DMTF1: variants seen among roughly 807,000 people sequenced by gnomAD.
The protein encoded by DMTF1 is cyclin D binding myb like transcription factor 1, also known as cyclin-D-binding Myb-like transcription factor 1.
In DMTF1, 39 loss-of-function variants were observed where a neutral mutation model predicts 91.1. The ratio of observed to expected loss-of-function variants is 0.43; its 90% CI spans 0.33 to 0.56. The LOEUF (loss-of-function observed/expected upper bound fraction) is 0.56, where lower values mean the gene tolerates loss of function less well. Ranked by LOEUF, DMTF1 falls within the 20% of genes least tolerant of loss-of-function variation. The pLI is 0.05. For synonymous variants in DMTF1, 338 were observed against 309.5 expected, an observed-to-expected ratio of 1.09 and a Z score of -0.97; for missense variants, 750 against 914.5, an observed-to-expected ratio of 0.82 and a Z score of 2.32.
In DMTF1 at chr7:87,182,304, C is replaced by A. The variant is rs1365984560; in HGVS notation, c.787C>A (p.Arg263=). ...LGRSASSVKD[R]CRLMKDTCNT... Reference sequence around the variant, plus strand: ...AAGAAGTGCATCTTCTGTCAAAGATCGGTGCCGACTGATGAAGGATACTTG... The same window carrying A: ...AAGAAGTGCATCTTCTGTCAAAGATAGGTGCCGACTGATGAAGGATACTTG... Residue 263 remains arginine (R), a synonymous_variant, in exon 10 of 18, where the codon CGG becomes AGG. Coordinates refer to ENST00000331242, the MANE Select transcript of DMTF1 (RefSeq NM_001142327.2). 4 of 1,613,982 alleles carry A rather than the reference C, an allele frequency of 2.5e-6. No homozygotes were observed. The highest frequency in any genetic ancestry group is 3.4e-6 in the Non-Finnish European group (4 of 1,179,992).
chr7:87,162,809 A>T (rs930056213), intron 1 of DMTF1: 2 of 105,636 alleles, frequency 1.9e-5, no homozygotes, highest in African/African-American at 3.6e-5. Flanking sequence ...ACCTCAAATC[A>T]TGTGCTTTTT....
chr7:87,193,669 A>C, intron 15 of DMTF1, 56 bp from the exon 16 acceptor site: 3 of 1,435,514 alleles, frequency 2.1e-6, no homozygotes, highest in Non-Finnish European at 2.8e-6. Flanking sequence ...ACAGTGAGGT[A>C]CCCCCATAAA....
In DMTF1 at chr7:87,190,957, C is replaced by T; in HGVS notation, c.1424C>T (p.Ser475Phe). ...ATTCTTACCACAGCTTCAGCAGACT[C>T]TCCTGCTACCGTTGACTCAGAAACA... is the stretch of plus-strand genomic sequence containing the variant. Reference protein sequence around the residue: ...VQITHVSSADSPATVDSETIT... With the variant: ...VQITHVSSADFPATVDSETIT... Residue 475 changes from serine to phenylalanine, a missense_variant, in exon 14 of 18, where the codon TCT becomes TTT. Ser to Phe is a radical substitution (Grantham distance 155). Around this residue, in one of 3 missense-constraint regions of DMTF1, gnomAD observed 410 missense variants for 420.2 expected, o/e 0.98. Coordinates refer to ENST00000331242, the MANE Select transcript of DMTF1 (RefSeq NM_001142327.2). 6.2e-7 allele frequency: 1 copy of T among 1,609,698 alleles called. No homozygotes were observed. The highest frequency in any genetic ancestry group is 8.5e-7 in the Non-Finnish European group (1 of 1,177,446).
At position 87,182,288 on chromosome 7, in the gene DMTF1, A is replaced by G; in HGVS notation, c.771A>G (p.Ala257=). 1.2e-5 allele frequency: 20 copies of G among 1,614,160 alleles called. No homozygotes were observed. The highest frequency in any genetic ancestry group is 1.6e-5 in the Non-Finnish European group (19 of 1,179,994). The change falls in exon 10 of 18, where the codon GCA becomes GCG. Residue 257 remains alanine, a synonymous_variant. Transcript: ENST00000331242. ...ATIGAALGRS[A]SSVKDRCRLM... Reference sequence around the variant, plus strand: ...TAGGGGCGGCGCTAGGAAGAAGTGCATCTTCTGTCAAAGATCGGTGCCGAC... The same window carrying G: ...TAGGGGCGGCGCTAGGAAGAAGTGCGTCTTCTGTCAAAGATCGGTGCCGAC...
intron 14 of DMTF1, chr7:87,192,733 T>C (rs907080765): frequency 9.2e-5 from 14 of 152,812 alleles, no homozygotes; most frequent in African/African-American, 3.4e-4. Flanking sequence ...GATAAACATC[T>C]TTCTCCTTCA....
Position 87,166,625 on chromosome 7 carries a change from G to T in DMTF1, c.232+20G>T. 6.5e-7 allele frequency: 1 copy of T among 1,532,318 alleles called. No homozygotes were observed. The highest frequency in any genetic ancestry group is 8.8e-7 in the Non-Finnish European group (1 of 1,135,956). The allele number at this position is 1,532,318 out of a possible 1,614,324, so 94.9% of individuals were successfully genotyped here. On this transcript the variant is annotated intron_variant, in intron 4 of 17. Coordinates refer to ENST00000331242, the MANE Select transcript of DMTF1 (RefSeq NM_001142327.2). ...TTCCACGTAAGTCACTACGTATTAA[G>T]AGCCATAGAGTTCCCTTTTAAAATC...
chr7:87,174,049 A>T (rs1261254637), intron 6 of DMTF1, among the ~76,000 whole-genome samples: 1 of 152,156 alleles, frequency 6.6e-6, no homozygotes, highest in Non-Finnish European at 1.5e-5. Flanking sequence ...ATGCTCAAGC[A>T]TAGCTGGGGA....
intron 6 of DMTF1, among the ~76,000 whole-genome samples, chr7:87,174,134 T>A (rs1190722854): frequency 6.6e-6 from 1 of 152,208 alleles, no homozygotes; most frequent in Non-Finnish European, 1.5e-5. Flanking sequence ...ACGTAAATAA[T>A]TTTCAACCAC....
rs1584387719 is a variant in DMTF1 at position 87,181,312 on chromosome 7, T to C, written c.681T>C (p.Tyr227=). ...AAAAATTTCTCTGAATTTCTAGATA[T>C]ACACCTGAAGAAATTGAGAAGCTCA... ...MYDDRNHVGK[Y]TPEEIEKLKE... Residue 227 remains tyrosine, a synonymous_variant, in exon 9 of 18, where the codon TAT becomes TAC. Transcript: ENST00000331242. 5 of 1,276,246 alleles carry C rather than the reference T, an allele frequency of 3.9e-6. No individual in the cohort carries two copies. The East Asian group carries it at 9.6e-5, about 25-fold the overall frequency. The allele number at this position is 1,276,246 out of a possible 1,614,324, so 79.1% of individuals were successfully genotyped here.
intron 5 of DMTF1, 78 bp from the exon 6 acceptor site, chr7:87,173,457 A>G: frequency 3.7e-6 from 3 of 804,036 alleles, no homozygotes; most frequent in Non-Finnish European, 6.0e-6. Context: ...ACAAAGATGA[A>G]TCCGGTTGAG....
intron 1 of DMTF1, among the ~76,000 whole-genome samples, chr7:87,153,448 A>C (rs1789840319): frequency 6.6e-6 from 1 of 152,208 alleles, no homozygotes; most frequent in Non-Finnish European, 1.5e-5. Flanking sequence ...AGCAGATTTG[A>C]GAGTAGAAGT....
At chr7:87,162,733 G>A (rs556009700) in intron 1 of DMTF1, 27 of 151,678 alleles carry the variant, frequency 1.8e-4, no homozygotes, top group African/African-American at 6.0e-4. Context: ...ATGCAAAGAG[G>A]ATCTAATTAG....
Position 87,188,094 on chromosome 7 carries a change from T to G in DMTF1, c.1204T>G (p.Leu402Val). 1 of 1,613,216 alleles carries G rather than the reference T, an allele frequency of 6.2e-7. No homozygotes were observed. Among genetic ancestry groups the G allele is most frequent in the Non-Finnish European group, 8.5e-7 (1 of 1,179,336 alleles). ...ANHKDVSFPV[L>V]IKGLKQLHEN... ...TTTGTCTACCCATCTCCCTTCAGTC[T>G]TAATAAAAGGTCTTAAACAGTTACA... The change falls in exon 13 of 18, where the codon TTA becomes GTA. Residue 402 changes from leucine (L) to valine (V), a missense_variant and splice_region_variant. By Grantham distance (32) the Leu-to-Val change is conservative. This residue lies in a region of DMTF1 where 190 missense variants were observed against 343.8 expected (regional missense o/e 0.55). Transcript: ENST00000331242.
chr7:87,160,247 G>A (rs1048406128), intron 1 of DMTF1, among the ~76,000 whole-genome samples: 2 of 149,566 alleles, frequency 1.3e-5, no homozygotes, highest in Non-Finnish European at 3.0e-5. Flanking sequence ...GCTAAACTTC[G>A]TGAAAAAAGT....
intron 4 of DMTF1, among the ~76,000 whole-genome samples, chr7:87,167,266 T>C (rs1325984933): frequency 6.6e-6 from 1 of 152,178 alleles, no homozygotes; most frequent in Non-Finnish European, 1.5e-5. Context: ...TATTTCAAGA[T>C]CATTTAGAGT....
At chr7:87,188,945 C>T (rs772184053) in intron 13 of DMTF1, among the ~76,000 whole-genome samples, 1 of 152,134 alleles carries the variant, frequency 6.6e-6, no homozygotes, top group Non-Finnish European at 1.5e-5. Flanking sequence ...GGATGAAATT[C>T]TCAGAACCAT....
At chr7:87,182,162 T>C (rs1797515006) in intron 9 of DMTF1, 66 bp from the exon 10 acceptor site, 1 of 1,609,162 alleles carries the variant, frequency 6.2e-7, no homozygotes, top group Non-Finnish European at 8.5e-7. Flanking sequence ...GAATGAAGAA[T>C]AAATGATGAA....
At chr7:87,157,177 CTGTTTCTCAGCCTG>C (rs1790969213) in intron 1 of DMTF1, among the ~76,000 whole-genome samples, 1 of 152,140 alleles carries the variant, frequency 6.6e-6, no homozygotes. Context: ...ATGCCAGAGA[CTGTTTCTCAGCCTG>C]TGTTTCTCAG....
At chr7:87,155,980 G>A (rs1328265834) in intron 1 of DMTF1, among the ~76,000 whole-genome samples, 2 of 152,094 alleles carry the variant, frequency 1.3e-5, no homozygotes, top group African/African-American at 4.8e-5. Context: ...TGCTCATTAG[G>A]TTTATTTTAG....
Sources: allele counts gnomAD v4.1 joint callset (sites outside exome capture counted in the v4.1 genomes callset), GRCh38; gene constraint gnomAD v4.1.1; regional missense constraint gnomAD v4.1.1; transcripts MANE v1.5; gene names NCBI Gene and HGNC (gene_info 2026-07-23, HGNC 2026-07-21).